CNTNAP2: variants seen among roughly 807,000 people sequenced by gnomAD.
The protein encoded by CNTNAP2 is contactin associated protein 2, also known as contactin-associated protein-like 2.
A neutral mutation model predicts 155.2 loss-of-function variants in CNTNAP2; 98 were observed. The observed-to-expected ratio is 0.63, with a 90% CI of 0.54 to 0.75. The LOEUF is 0.75. Among genes scored for constraint, CNTNAP2 ranks in the 30% least tolerant of loss-of-function variants. The pLI is 0.00. For synonymous variants in CNTNAP2, 651 were observed against 631.2 expected, an observed-to-expected ratio of 1.03 and a Z score of -0.47; for missense variants, 1,727 against 1,688.1, an observed-to-expected ratio of 1.02 and a Z score of -0.40.
At chr7:146,624,375 A>G (rs1799382989) in intron 1 of CNTNAP2, among the ~76,000 whole-genome samples, 1 of 152,022 alleles carries the variant, frequency 6.6e-6, no homozygotes, top group South Asian at 2.1e-4. Context: ...TAAATTTTAC[A>G]TTTAGAACTA....
At chr7:147,146,006 C>T (rs1315437101) in intron 8 of CNTNAP2, among the ~76,000 whole-genome samples, 1 of 152,174 alleles carries the variant, frequency 6.6e-6, no homozygotes, top group Non-Finnish European at 1.5e-5. Flanking sequence ...CCATTTTTAT[C>T]ATTAGTAGAT....
At chr7:147,461,425 T>C (rs1190442484) in intron 10 of CNTNAP2, among the ~76,000 whole-genome samples, 1 of 146,768 alleles carries the variant, frequency 6.8e-6, no homozygotes, top group Non-Finnish European at 1.6e-5. Flanking sequence ...TGCCTATCCA[T>C]TTTTCTGAAG....
intron 3 of CNTNAP2, among the ~76,000 whole-genome samples, chr7:147,027,116 A>G (rs1798938858): frequency 6.6e-6 from 1 of 151,952 alleles, no homozygotes; most frequent in African/African-American, 2.4e-5. Context: ...TCTATTCCTC[A>G]TGTCACTCTT....
chr7:146,800,555 C>G lies in CNTNAP2; in HGVS notation c.208+26174C>G, dbSNP rs187967344. Among the ~76,000 whole-genome samples the G allele has an allele frequency of 2.1e-4, 32 of 152,272 alleles. 1 individual carries two copies. The highest frequency in any genetic ancestry group is 4.4e-5 in the Non-Finnish European group (3 of 68,014). ...AACTTCTGAAATTCCCCAAAATATG[C>G]AGGTTGTTCAAAGCTGCTCCCTGGC... On this transcript the variant is annotated intron_variant, in intron 2 of 23. Transcript: ENST00000361727.
At chr7:147,827,899 A>T (rs1406826521) in intron 13 of CNTNAP2, among the ~76,000 whole-genome samples, 1 of 152,168 alleles carries the variant, frequency 6.6e-6, no homozygotes, top group African/African-American at 2.4e-5. Flanking sequence ...TAATAATAGA[A>T]ATTCTACAAG....
At chr7:146,445,921 G>A (rs911557597) in intron 1 of CNTNAP2, among the ~76,000 whole-genome samples, 1 of 152,030 alleles carries the variant, frequency 6.6e-6, no homozygotes, top group Admixed American at 6.6e-5. Context: ...TTTATTACAG[G>A]CAACCCTAAG....
At chr7:147,130,068 AT>A (rs1274551192) in intron 7 of CNTNAP2, among the ~76,000 whole-genome samples, 2 of 152,152 alleles carry the variant, frequency 1.3e-5, no homozygotes, top group Non-Finnish European at 2.9e-5. Context: ...CATGGAAAAA[AT>A]AAGTTATTTT....
At chr7:148,314,714 G>GT (rs999305239) in intron 21 of CNTNAP2, among the ~76,000 whole-genome samples, 13 of 152,042 alleles carry the variant, frequency 8.6e-5, no homozygotes, top group Admixed American at 2.6e-4. Flanking sequence ...GAGAGAAGGG[G>GT]TTAGGGGGTT....
chr7:146,302,516 G>A (rs1043848134), intron 1 of CNTNAP2, among the ~76,000 whole-genome samples: 1 of 152,086 alleles, frequency 6.6e-6, no homozygotes, highest in Non-Finnish European at 1.5e-5. Flanking sequence ...ATTTAATCCT[G>A]ACAAAGATTC....
intron 1 of CNTNAP2, among the ~76,000 whole-genome samples, chr7:146,634,339 G>T (rs1799562843): frequency 6.6e-6 from 1 of 152,148 alleles, no homozygotes; most frequent in Non-Finnish European, 1.5e-5. Flanking sequence ...TTGTTGGAAA[G>T]AATAATTAGA....
At chr7:147,301,072 A>C (rs1794937366) in intron 9 of CNTNAP2, among the ~76,000 whole-genome samples, 1 of 152,188 alleles carries the variant, frequency 6.6e-6, no homozygotes, top group Non-Finnish European at 1.5e-5. Context: ...CCACAGTTAA[A>C]GGAAGGGGAT....
intron 13 of CNTNAP2, among the ~76,000 whole-genome samples, chr7:147,787,860 A>G (rs1219434000): frequency 6.6e-6 from 1 of 152,240 alleles, no homozygotes; most frequent in East Asian, 1.9e-4. Flanking sequence ...GCTGTAATGA[A>G]TATGGAAAAG....
At chr7:148,271,006 G>C (rs1796768386) in intron 21 of CNTNAP2, among the ~76,000 whole-genome samples, 2 of 152,154 alleles carry the variant, frequency 1.3e-5, no homozygotes, top group Non-Finnish European at 2.9e-5. Flanking sequence ...CTAGTATACA[G>C]AAAGGGCTCA....
At chr7:146,833,719 TAGC>T (rs1803559285) in intron 2 of CNTNAP2, among the ~76,000 whole-genome samples, 1 of 152,194 alleles carries the variant, frequency 6.6e-6, no homozygotes, top group Non-Finnish European at 1.5e-5. Flanking sequence ...AAGCTTTCTG[TAGC>T]TGATACACAC....
rs144111368 is a variant in CNTNAP2, at chr7:148,117,086, T to G, written c.2384-1032T>G. On this transcript the variant is annotated intron_variant, in intron 15 of 23. Transcript: ENST00000361727. Reference sequence around the variant, plus strand: ...TCCCATATTAAATTCTTAGTCCATCTGTCCTAATGGAGTCTGAGTAACGCA... The same window carrying G: ...TCCCATATTAAATTCTTAGTCCATCGGTCCTAATGGAGTCTGAGTAACGCA... Among the ~76,000 whole-genome samples the G allele has an allele frequency of 2.4e-3, 368 of 152,356 alleles. 2 individuals are homozygous for G. The highest frequency in any genetic ancestry group is 8.4e-3 in the African/African-American group (351 of 41,582).
chr7:146,716,216 A>G (rs1801184718), intron 1 of CNTNAP2, among the ~76,000 whole-genome samples: 1 of 135,630 alleles, frequency 7.4e-6, no homozygotes, highest in Non-Finnish European at 1.6e-5. Context: ...TCTGCAGGAA[A>G]AAAAAAAAAA....
intron 2 of CNTNAP2, among the ~76,000 whole-genome samples, chr7:146,837,488 A>G (rs1803641161): frequency 6.6e-6 from 1 of 152,112 alleles, no homozygotes; most frequent in Admixed American, 6.6e-5. Flanking sequence ...TAGAATTAAT[A>G]ATTACTGTTT....
chr7:147,536,352 A>C (rs1296342827), intron 11 of CNTNAP2, among the ~76,000 whole-genome samples: 1 of 152,146 alleles, frequency 6.6e-6, no homozygotes, highest in Non-Finnish European at 1.5e-5. Flanking sequence ...CCCTCTTGAA[A>C]CTTACTTTTT....
intron 13 of CNTNAP2, among the ~76,000 whole-genome samples, chr7:147,885,064 T>C (rs1799582382): frequency 6.6e-6 from 1 of 152,232 alleles, no homozygotes; most frequent in Non-Finnish European, 1.5e-5. Flanking sequence ...AAGTATTGGG[T>C]TGGTGCAAAA....
Sources: gnomAD v4.1 joint callset for allele counts (sites outside exome capture counted in the v4.1 genomes callset) on GRCh38, gnomAD v4.1.1 for gene constraint, MANE v1.5 for transcripts, NCBI Gene and HGNC (gene_info 2026-07-23, HGNC 2026-07-21) for gene names.